CSMD1: variants seen among roughly 807,000 people sequenced by gnomAD.
CSMD1 encodes CUB and sushi domain-containing protein 1.
In CSMD1, 213 loss-of-function variants were observed where a neutral mutation model predicts 417.5. The observed-to-expected ratio is 0.51, with a 90% CI of 0.46 to 0.57. The LOEUF (loss-of-function observed/expected upper bound fraction) is 0.57. Ranked by LOEUF, CSMD1 falls within the 20% of genes least tolerant of loss-of-function variation. CSMD1 has a pLI of 0.00. For missense variants in CSMD1, 6,923 were observed against 4,529.7 expected, an observed-to-expected ratio of 1.53 and a Z score of -15.17; for synonymous variants, 2,862 against 1,736.8, an observed-to-expected ratio of 1.65 and a Z score of -16.11.
At chr8:2,996,225 C>A (rs1464889974) in intron 54 of CSMD1, among the ~76,000 whole-genome samples, 1 of 152,070 alleles carries the variant, frequency 6.6e-6, no homozygotes, top group East Asian at 1.9e-4. Context: ...AAAAAAATAA[C>A]ATACTGAACA....
At chr8:3,091,784 A>G (rs1203150895) in intron 47 of CSMD1, 122 bp from the exon 48 acceptor site, 1 of 757,312 alleles carries the variant, frequency 1.3e-6, no homozygotes, top group African/African-American at 1.8e-5. Flanking sequence ...AATTATTACA[A>G]AAGTGGACAA....
chr8:3,407,164 T>A (rs545682302), intron 14 of CSMD1, among the ~76,000 whole-genome samples: 1 of 82,184 alleles, frequency 1.2e-5, no homozygotes, highest in South Asian at 3.7e-4. Context: ...GATGGACAGA[T>A]GGAAGGATGG....
chr8:4,220,631 T>C (rs1421024926), intron 3 of CSMD1, among the ~76,000 whole-genome samples: 2 of 152,150 alleles, frequency 1.3e-5, no homozygotes, highest in Non-Finnish European at 2.9e-5. Flanking sequence ...TGGTATATTT[T>C]GGAGGTGGAA....
At chr8:4,969,164 G>C (rs570730835) in intron 1 of CSMD1, among the ~76,000 whole-genome samples, 1 of 152,200 alleles carries the variant, frequency 6.6e-6, no homozygotes, top group East Asian at 1.9e-4. Context: ...CCATTATCAT[G>C]GGATTGCGTG....
At chr8:3,318,187 C>A (rs184522091) in intron 23 of CSMD1, among the ~76,000 whole-genome samples, 1 of 152,226 alleles carries the variant, frequency 6.6e-6, no homozygotes, top group Admixed American at 6.5e-5. Flanking sequence ...TTGTAATATT[C>A]TATTTTTATT....
intron 3 of CSMD1, among the ~76,000 whole-genome samples, chr8:4,085,004 T>G (rs1209427927): frequency 6.7e-6 from 1 of 149,872 alleles, no homozygotes; most frequent in Non-Finnish European, 1.5e-5. Context: ...GACAGGGAAT[T>G]TAGATTTTTC....
At chr8:4,273,570 A>G (rs1804734606) in intron 3 of CSMD1, among the ~76,000 whole-genome samples, 1 of 152,210 alleles carries the variant, frequency 6.6e-6, no homozygotes, top group Non-Finnish European at 1.5e-5. Context: ...ATATTTTAAT[A>G]TAAATATTTA....
At chr8:3,503,502 A>G (rs1276877287) in intron 10 of CSMD1, among the ~76,000 whole-genome samples, 1 of 152,254 alleles carries the variant, frequency 6.6e-6, no homozygotes, top group African/African-American at 2.4e-5. Context: ...CAGGAAGCCA[A>G]GAAACTTGGT....
rs60282047 is a variant in CSMD1, at chr8:3,454,214, G to A, written c.1561+14498C>T. On this transcript the variant is annotated intron_variant, in intron 12 of 69. Transcript: ENST00000635120. The stretch of plus-strand genomic sequence containing the variant: ...TTTGAGCCTATGTGTGTCTCTGCAC[G>A]TTAGATGGGTCTCCTGAATATAGCA... 6.5e-3 allele frequency among the ~76,000 whole-genome samples: 994 copies of A among 152,218 alleles called. 16 individuals are homozygous for A. The highest frequency in any genetic ancestry group is 0.022 in the African/African-American group (906 of 41,530).
intron 10 of CSMD1, among the ~76,000 whole-genome samples, chr8:3,556,851 T>G (rs2046220): frequency 7.5e-4 from 114 of 151,926 alleles, no homozygotes; most frequent in Non-Finnish European, 1.3e-3. Flanking sequence ...GCTTACCCCC[T>G]CTGGACAGAT....
intron 1 of CSMD1, among the ~76,000 whole-genome samples, chr8:4,813,398 T>TC (rs1799018279): frequency 4.6e-5 from 7 of 152,208 alleles, no homozygotes; most frequent in Non-Finnish European, 7.3e-5. Context: ...ATCTTAAAAC[T>TC]TTAATTTTAT....
At chr8:4,393,522 G>A (rs1260026036) in intron 3 of CSMD1, among the ~76,000 whole-genome samples, 2 of 152,112 alleles carry the variant, frequency 1.3e-5, no homozygotes, top group Admixed American at 6.5e-5. Context: ...ATACATCCTA[G>A]GCCCAGTTTC....
At chr8:2,991,551 A>T (rs1479408980) in intron 54 of CSMD1, among the ~76,000 whole-genome samples, 2 of 152,208 alleles carry the variant, frequency 1.3e-5, no homozygotes, top group African/African-American at 2.4e-5. Flanking sequence ...TGGAATTTGA[A>T]TTTTTTTAAC....
At chr8:4,589,571 A>G (rs1034407776) in intron 2 of CSMD1, among the ~76,000 whole-genome samples, 12 of 152,204 alleles carry the variant, frequency 7.9e-5, no homozygotes, top group Non-Finnish European at 2.9e-5. Context: ...ACTCTATAAT[A>G]TGGGACTTGC....
chr8:4,807,041 A>T (rs958732621), intron 1 of CSMD1, among the ~76,000 whole-genome samples: 1 of 152,188 alleles, frequency 6.6e-6, no homozygotes, highest in Non-Finnish European at 1.5e-5. Context: ...CTCAAAATAG[A>T]CTTATCTTGA....
intron 6 of CSMD1, among the ~76,000 whole-genome samples, chr8:3,745,249 C>G (rs1584935881): frequency 6.6e-6 from 1 of 152,282 alleles, no homozygotes; most frequent in African/African-American, 2.4e-5. Context: ...AAGTTAACTA[C>G]AAGGCTCCCC....
intron 26 of CSMD1, among the ~76,000 whole-genome samples, chr8:3,231,518 T>C (rs2116914016): frequency 6.6e-6 from 1 of 152,306 alleles, no homozygotes; most frequent in Middle Eastern, 3.4e-3. Flanking sequence ...TGCATATACA[T>C]ATGTCTACAT....
intron 12 of CSMD1, among the ~76,000 whole-genome samples, chr8:3,428,360 C>A (rs1813990353): frequency 6.6e-6 from 1 of 152,060 alleles, no homozygotes; most frequent in African/African-American, 2.4e-5. Context: ...GCAGCTTATG[C>A]CAATATTCAA....
intron 3 of CSMD1, among the ~76,000 whole-genome samples, chr8:4,386,867 G>A (rs1451364423): frequency 2.0e-5 from 3 of 152,294 alleles, no homozygotes; most frequent in East Asian, 1.9e-4. Context: ...TGAATCCCTC[G>A]TGGATGACTG....
Sources: gnomAD v4.1 joint callset for allele counts (sites outside exome capture counted in the v4.1 genomes callset) on GRCh38, gnomAD v4.1.1 for gene constraint, MANE v1.5 for transcripts, NCBI Gene and HGNC (gene_info 2026-07-23, HGNC 2026-07-21) for gene names.